ATP10B: variants seen among roughly 807,000 people sequenced by gnomAD.
The protein encoded by ATP10B is ATPase phospholipid transporting 10B (putative), also known as phospholipid-transporting ATPase VB.
ATP10B carries 122 observed loss-of-function variants against 141.2 expected under a neutral mutation model. The ratio of observed to expected loss-of-function variants is 0.86; its 90% confidence interval spans 0.75 to 1.00. ATP10B has a LOEUF of 1.00. ATP10B is among the 50% of genes least tolerant of loss of function. The probability of loss-of-function intolerance (pLI) is 0.00; values close to 1 mark genes in which losing one functional copy is unlikely to be tolerated. For missense variants in ATP10B, 1,876 were observed against 1,825.3 expected, an observed-to-expected ratio of 1.03 and a Z score of -0.51; for synonymous variants, 685 against 692.0, an observed-to-expected ratio of 0.99 and a Z score of 0.16.
intron 22 of ATP10B, among the ~76,000 whole-genome samples, chr5:160,597,321 C>T (rs1405534105): frequency 6.6e-6 from 1 of 152,164 alleles, no homozygotes; most frequent in Admixed American, 6.5e-5. Context: ...ATAAATGGTG[C>T]TGGGAAAACT....
intron 7 of ATP10B, among the ~76,000 whole-genome samples, chr5:160,663,521 C>G (rs532209150): frequency 8.8e-4 from 134 of 152,246 alleles, no homozygotes; most frequent in African/African-American, 3.2e-3. Context: ...CCATCATTCT[C>G]AGCAAACTAT....
At chr5:160,630,772 T>G (rs1758875629) in intron 13 of ATP10B, among the ~76,000 whole-genome samples, 1 of 152,218 alleles carries the variant, frequency 6.6e-6, no homozygotes, top group African/African-American at 2.4e-5. Flanking sequence ...GTCATATGTC[T>G]TAACACACTG....
intron 1 of ATP10B, among the ~76,000 whole-genome samples, chr5:160,812,019 A>G (rs894479491): frequency 9.9e-5 from 5 of 50,452 alleles, no homozygotes; most frequent in Non-Finnish European, 2.1e-4. Flanking sequence ...AGAGACAGAG[A>G]CAGAGAGAGA....
chr5:160,688,195 C>G, intron 4 of ATP10B, 101 bp from the exon 5 acceptor site: 1 of 1,267,532 alleles, frequency 7.9e-7, no homozygotes, highest in Non-Finnish European at 1.1e-6. Context: ...TGAAAGTAGT[C>G]TTAACCCACA....
At chr5:160,620,056 A>C (rs1758237827) in intron 15 of ATP10B, among the ~76,000 whole-genome samples, 1 of 152,240 alleles carries the variant, frequency 6.6e-6, no homozygotes, top group Admixed American at 6.5e-5. Flanking sequence ...TGTGTGGATA[A>C]TCCATGTTTA....
chr5:160,687,033 A>G (rs1274823289), intron 5 of ATP10B: 5 of 845,722 alleles, frequency 5.9e-6, no homozygotes, highest in South Asian at 5.4e-5. Flanking sequence ...CTGCAGGAAC[A>G]TTCTGCTGAC....
At chr5:160,816,135 T>G (rs192931892) in intron 1 of ATP10B, among the ~76,000 whole-genome samples, 4,484 of 149,000 alleles carry the variant, frequency 0.03, 131 homozygotes, top group Non-Finnish European at 0.044. Context: ...ATTCAAAAGC[T>G]AGCAGAAGGC....
At chr5:160,663,848 T>C (rs1762143621) in intron 7 of ATP10B, among the ~76,000 whole-genome samples, 1 of 152,226 alleles carries the variant, frequency 6.6e-6, no homozygotes, top group Non-Finnish European at 1.5e-5. Context: ...TGCCCGAGTT[T>C]GAATCTGAGC....
At position 160,670,521 on chromosome 5, in the gene ATP10B, C is replaced by A; in HGVS notation, c.617G>T (p.Ser206Ile). ...PNGICHLETA[S>I]LDGETNLKQR... is the part of the protein sequence containing the mutation. ...CTTGAGGTTTGTCTCTCCATCCAAG[C>A]TGGCAGTTTCCAGATGGCATATCCC... Residue 206 changes from serine (S) to isoleucine (I), a missense_variant, in exon 7 of 26, where the codon AGC becomes ATC. Coordinates refer to ENST00000327245, the MANE Select transcript of ATP10B (RefSeq NM_025153.3). 1.2e-6 allele frequency: 2 copies of A among 1,614,024 alleles called. No homozygotes were observed. The highest frequency in any genetic ancestry group is 1.7e-5 in the Admixed American group (1 of 59,994).
At chr5:160,605,764 C>T (rs1184643570) in intron 19 of ATP10B, among the ~76,000 whole-genome samples, 1 of 152,150 alleles carries the variant, frequency 6.6e-6, no homozygotes, top group Non-Finnish European at 1.5e-5. Context: ...GTAAGAACAT[C>T]CCTAAGAGAA....
intron 1 of ATP10B, among the ~76,000 whole-genome samples, chr5:160,848,970 T>C (rs374739948): frequency 6.4e-4 from 98 of 152,346 alleles, no homozygotes; most frequent in African/African-American, 2.3e-3. Flanking sequence ...TGGAACTCCA[T>C]CAGAATCACC....
At chr5:160,860,764 CTTAAAT>C in the ATP10B span, among the ~76,000 whole-genome samples, 4 of 152,016 alleles carry the variant, frequency 2.6e-5, no homozygotes, top group Non-Finnish European at 1.5e-5. Context: ...CCTTCACATA[CTTAAAT>C]TTTAGATTCA....
the ATP10B span, among the ~76,000 whole-genome samples, chr5:160,916,896 G>A: frequency 6.6e-6 from 1 of 152,184 alleles, no homozygotes. Flanking sequence ...CATCTACAGT[G>A]TCGTGTGGTT....
At chr5:160,900,251 C>T in the ATP10B span, among the ~76,000 whole-genome samples, 2 of 152,150 alleles carry the variant, frequency 1.3e-5, no homozygotes, top group Non-Finnish European at 2.9e-5. Flanking sequence ...CATTTTTCTT[C>T]ATGCACATTT....
intron 7 of ATP10B, among the ~76,000 whole-genome samples, chr5:160,650,181 T>C (rs1175871818): frequency 2.0e-5 from 3 of 151,016 alleles, no homozygotes; most frequent in Admixed American, 1.3e-4. Context: ...CATACATATA[T>C]ATATACATGT....
chr5:160,793,539 G>T (rs192113338), intron 1 of ATP10B, among the ~76,000 whole-genome samples: 1 of 152,194 alleles, frequency 6.6e-6, no homozygotes, highest in Non-Finnish European at 1.5e-5. Context: ...TGTATGCGAT[G>T]GTAGTCCTGT....
the ATP10B span, among the ~76,000 whole-genome samples, chr5:160,870,825 A>G: frequency 1.3e-5 from 2 of 152,152 alleles, no homozygotes; most frequent in African/African-American, 4.8e-5. Flanking sequence ...AAGAATTCTG[A>G]AAGCAGTCAG....
chr5:160,593,725 T>C (rs558508368), intron 22 of ATP10B, among the ~76,000 whole-genome samples: 1 of 152,202 alleles, frequency 6.6e-6, no homozygotes, highest in African/African-American at 2.4e-5. Flanking sequence ...AAGGAGCTGA[T>C]GGAGCTGAAA....
chr5:160,649,406 A>G (rs1259338773), intron 7 of ATP10B, 150 bp from the exon 8 acceptor site: 2 of 607,096 alleles, frequency 3.3e-6, no homozygotes, highest in Non-Finnish European at 5.7e-6. Flanking sequence ...TCAGAAAAAA[A>G]AGTTAAGTCC....
Sources: gnomAD v4.1 joint callset for allele counts (sites outside exome capture counted in the v4.1 genomes callset) on GRCh38, gnomAD v4.1.1 for gene constraint, MANE v1.5 for transcripts, NCBI Gene and HGNC (gene_info 2026-07-23, HGNC 2026-07-21) for gene names.